Variants in RRAGD observed in about 807,000 individuals in gnomAD.
RRAGD encodes ras-related GTP-binding protein D.
Under a neutral mutation model 35.5 loss-of-function variants are expected in RRAGD, and 12 were observed. That is an observed-to-expected ratio of 0.34 (90% CI 0.22 to 0.55). The LOEUF (loss-of-function observed/expected upper bound fraction) is 0.55. Ranked by LOEUF, RRAGD falls within the 20% of genes least tolerant of loss-of-function variation. RRAGD has a pLI of 0.91. For synonymous variants in RRAGD, 155 were observed against 178.9 expected (o/e 0.87, Z 1.07); for missense variants, 324 against 490.1 (o/e 0.66, Z 3.20).
intron 1 of RRAGD, among the ~76,000 whole-genome samples, chr6:89,400,305 A>G (rs144232579): frequency 3.3e-5 from 5 of 152,318 alleles, no homozygotes; most frequent in Admixed American, 1.3e-4. Context: ...ACAGCACAAG[A>G]GTAAAATTAC....
chr6:89,376,193 T>G (rs144643462), intron 5 of RRAGD, among the ~76,000 whole-genome samples: 1 of 152,272 alleles, frequency 6.6e-6, no homozygotes, highest in East Asian at 1.9e-4. Context: ...AATAATAAAT[T>G]ATGGCAGCTA....
intron 1 of RRAGD, among the ~76,000 whole-genome samples, chr6:89,407,444 C>G (rs1769603021): frequency 6.6e-6 from 1 of 152,146 alleles, no homozygotes; most frequent in Non-Finnish European, 1.5e-5. Flanking sequence ...TTAAGACCAG[C>G]CTGGTCAACA....
At chr6:89,397,762 G>A (rs528122218) in intron 1 of RRAGD, among the ~76,000 whole-genome samples, 1 of 152,214 alleles carries the variant, frequency 6.6e-6, no homozygotes, top group Non-Finnish European at 1.5e-5. Context: ...AATGAAAGAA[G>A]CCATTACTCC....
chr6:89,410,338 C>T (rs1011431351), intron 1 of RRAGD, among the ~76,000 whole-genome samples: 17 of 152,156 alleles, frequency 1.1e-4, no homozygotes, highest in African/African-American at 4.1e-4. Context: ...ATTTCAAATA[C>T]CTTGCAAATA....
chr6:89,396,535 C>G (rs186141295), intron 1 of RRAGD, among the ~76,000 whole-genome samples: 1 of 151,994 alleles, frequency 6.6e-6, no homozygotes, highest in Admixed American at 6.6e-5. Flanking sequence ...AAGTGATCCT[C>G]CTGGACTCAG....
intron 1 of RRAGD, among the ~76,000 whole-genome samples, chr6:89,396,737 T>A: frequency 1.1e-5 from 1 of 93,186 alleles, no homozygotes; most frequent in East Asian, 5.0e-4. Context: ...AATTTTTTTT[T>A]TTTTTTTTTT....
chr6:89,375,946 A>G (rs775389258), intron 5 of RRAGD, among the ~76,000 whole-genome samples: 2 of 152,232 alleles, frequency 1.3e-5, no homozygotes, highest in Non-Finnish European at 2.9e-5. Context: ...ACAGCTAATG[A>G]CCATATGGCA....
In RRAGD at chr6:89,368,327, C is replaced by T. The variant is rs933112669; in HGVS notation, c.1052-120G>A. ...GTAGAGGATGGTCTTAGCGTAAGGA[C>T]CAGAGATTTCCCTGGGATGTCTGCA... On this transcript the variant is annotated intron_variant, in intron 6 of 6. Coordinates refer to ENST00000369415, the MANE Select transcript of RRAGD (RefSeq NM_021244.5). The T allele has an allele frequency of 6.7e-6, 5 of 748,326 alleles. No individual in the cohort carries two copies. In the Admixed American group the frequency reaches 1.2e-4, roughly 18 times the overall value. 46.4% of individuals were successfully genotyped at this position (748,326 alleles called of 1,614,324 possible).
chr6:89,402,172 C>T (rs967127671), intron 1 of RRAGD, among the ~76,000 whole-genome samples: 2 of 151,102 alleles, frequency 1.3e-5, no homozygotes, highest in Admixed American at 6.6e-5. Context: ...CTCAGCCTCC[C>T]GAGTAGCTGG....
At chr6:89,395,177 T>C (rs909630960) in intron 1 of RRAGD, among the ~76,000 whole-genome samples, 3 of 152,214 alleles carry the variant, frequency 2.0e-5, no homozygotes, top group African/African-American at 7.2e-5. Flanking sequence ...GAGGATCCCT[T>C]GAGCTCAAGA....
intron 1 of RRAGD, among the ~76,000 whole-genome samples, chr6:89,389,030 C>A (rs866321973): frequency 1.3e-5 from 2 of 152,136 alleles, no homozygotes; most frequent in African/African-American, 4.8e-5. Context: ...TAAATACAGA[C>A]GAAACTTCGC....
At chr6:89,381,179 T>C (rs1294518465) in intron 2 of RRAGD, among the ~76,000 whole-genome samples, 1 of 152,198 alleles carries the variant, frequency 6.6e-6, no homozygotes. Flanking sequence ...TAAGTTGTAT[T>C]GGAACATGCT....
At chr6:89,408,928 G>T (rs906013608) in intron 1 of RRAGD, among the ~76,000 whole-genome samples, 1 of 152,120 alleles carries the variant, frequency 6.6e-6, no homozygotes, top group Non-Finnish European at 1.5e-5. Flanking sequence ...TCTGGAGTGT[G>T]GGGATTGAAG....
At chr6:89,368,355 T>G in intron 6 of RRAGD, 148 bp from the exon 7 acceptor site, 2 of 605,556 alleles carry the variant, frequency 3.3e-6, no homozygotes, top group Non-Finnish European at 5.4e-6. Flanking sequence ...TGTCTGCAGC[T>G]GGCCTTCAGA....
intron 1 of RRAGD, among the ~76,000 whole-genome samples, chr6:89,387,914 G>A (rs1397496806): frequency 6.6e-6 from 1 of 152,078 alleles, no homozygotes; most frequent in Non-Finnish European, 1.5e-5. Flanking sequence ...AGGGACTCAG[G>A]AGCGTGAAGA....
intron 1 of RRAGD, among the ~76,000 whole-genome samples, chr6:89,403,737 T>A (rs1363613734): frequency 6.6e-6 from 1 of 151,198 alleles, no homozygotes; most frequent in Non-Finnish European, 1.5e-5. Flanking sequence ...TGGGCTCAAG[T>A]GATCCTTCTG....
intron 1 of RRAGD, among the ~76,000 whole-genome samples, chr6:89,406,966 C>A (rs1430660235): frequency 6.6e-6 from 1 of 152,196 alleles, no homozygotes; most frequent in Admixed American, 6.5e-5. Context: ...GCAAGGGGGA[C>A]AAGCGAACTT....
At chr6:89,389,031 G>A (rs887895286) in intron 1 of RRAGD, among the ~76,000 whole-genome samples, 3 of 152,112 alleles carry the variant, frequency 2.0e-5, no homozygotes, top group Non-Finnish European at 4.4e-5. Context: ...AAATACAGAC[G>A]AAACTTCGCT....
chr6:89,405,558 A>G (rs369286518), intron 1 of RRAGD, among the ~76,000 whole-genome samples: 8 of 151,848 alleles, frequency 5.3e-5, no homozygotes, highest in African/African-American at 1.9e-4. Flanking sequence ...GGACACACAC[A>G]CAGGCACACA....
Sources: allele counts gnomAD v4.1 joint callset (sites outside exome capture counted in the v4.1 genomes callset), GRCh38; gene constraint gnomAD v4.1.1; transcripts MANE v1.5; gene names NCBI Gene and HGNC (gene_info 2026-07-23, HGNC 2026-07-21).